The following ZDHHC3 variants were observed in gnomAD, a reference collection of about 807,000 sequenced individuals.
The protein encoded by ZDHHC3 is zDHHC palmitoyltransferase 3, also known as palmitoyltransferase ZDHHC3.
In ZDHHC3, 9 loss-of-function variants were observed where a neutral mutation model predicts 30.6. That is an observed-to-expected ratio of 0.29 (90% CI 0.18 to 0.51). The LOEUF is 0.51. Ranked by LOEUF, ZDHHC3 falls within the 20% of genes least tolerant of loss-of-function variation. ZDHHC3 has a pLI of 0.97. For missense variants in ZDHHC3, 246 were observed against 384.2 expected (o/e 0.64, Z 3.01); for synonymous variants, 136 against 140.2 (o/e 0.97, Z 0.21).
intron 2 of ZDHHC3, among the ~76,000 whole-genome samples, chr3:44,954,151 T>C (rs1703716471): frequency 6.6e-6 from 1 of 151,796 alleles, no homozygotes; most frequent in Admixed American, 6.6e-5. Flanking sequence ...TGGTCTGAGA[T>C]AGTCATGGAG....
At chr3:44,971,476 A>G (rs1380208725) in intron 1 of ZDHHC3, among the ~76,000 whole-genome samples, 2 of 152,244 alleles carry the variant, frequency 1.3e-5, no homozygotes, top group Non-Finnish European at 2.9e-5. Flanking sequence ...ATGATTTTTT[A>G]AAATGCAAAA....
chr3:44,943,234 G>C (rs1449425275), intron 3 of ZDHHC3, among the ~76,000 whole-genome samples: 2 of 152,218 alleles, frequency 1.3e-5, no homozygotes, highest in African/African-American at 4.8e-5. Context: ...CCTGTGGAAA[G>C]AGCCCTGTCT....
At chr3:44,951,365 C>T (rs907921589) in intron 2 of ZDHHC3, among the ~76,000 whole-genome samples, 7 of 152,176 alleles carry the variant, frequency 4.6e-5, no homozygotes, top group Non-Finnish European at 8.8e-5. Context: ...TGTATGTGCA[C>T]CTGTGTGTAT....
At chr3:44,932,995 C>T (rs1262012487) in intron 5 of ZDHHC3, 123 bp downstream of exon 5, 2 of 1,614,140 alleles carry the variant, frequency 1.2e-6, no homozygotes, top group Non-Finnish European at 1.7e-6. Flanking sequence ...CATAGGCTTT[C>T]AGGAGATTTA....
Position 44,918,232 on chromosome 3 carries a change from G to A in ZDHHC3, c.*8457C>T, listed in dbSNP as rs1005614496. The A allele has an allele frequency of 6.6e-6, 7 of 1,058,714 alleles. No individual in the cohort carries two copies. The African/African-American group carries it at 1.9e-4, about 29-fold the overall frequency. The allele number at this position is 1,058,714 out of a possible 1,614,324, so 65.6% of individuals were successfully genotyped here. A position where few individuals can be genotyped will look rare whatever the true frequency, so the allele number is the denominator to read the frequency against. On this transcript the variant is annotated 3_prime_UTR_variant, in exon 7 of 7. Coordinates refer to ENST00000424952, the MANE Select transcript of ZDHHC3 (RefSeq NM_001135179.2). ...CACCCCCAGCTATAGCATAGCAGTG[G>A]CGGGGGGGGGGGCGGGGTGTCCACG...
At chr3:44,941,652 C>G (rs927695539) in intron 3 of ZDHHC3, among the ~76,000 whole-genome samples, 4 of 151,744 alleles carry the variant, frequency 2.6e-5, no homozygotes, top group Middle Eastern at 3.2e-3. Flanking sequence ...TGCAGAAGAA[C>G]CTAGCAGGAG....
In ZDHHC3 at chr3:44,924,309, A is replaced by G; in HGVS notation, c.*2380T>C. 1.0e-6 allele frequency: 1 copy of G among 985,470 alleles called. No homozygotes were observed. Among genetic ancestry groups the G allele is most frequent in the Non-Finnish European group, 1.2e-6 (1 of 829,938 alleles). 61.0% of individuals were successfully genotyped at this position (985,470 alleles called of 1,614,324 possible). On this transcript the variant is annotated 3_prime_UTR_variant, in exon 7 of 7. Transcript: ENST00000424952. ...TCACTACCCTGCAAATGATGGCTAC[A>G]TTCCTCAGTCATTGTGCTCTTGGCA...
At chr3:44,939,013 T>C (rs1048510030) in intron 3 of ZDHHC3, among the ~76,000 whole-genome samples, 5 of 152,218 alleles carry the variant, frequency 3.3e-5, no homozygotes, top group African/African-American at 1.2e-4. Flanking sequence ...ATGAGACAGA[T>C]ATTGTGCCTG....
Position 44,917,259 on chromosome 3 carries a change from A to G in ZDHHC3, c.*9430T>C. Reference sequence around the variant, plus strand: ...CCTGCACATGTGTGTGTAGAGCTTAATGCAGGGTCCTCTTTGAACCATGCC... The same window carrying G: ...CCTGCACATGTGTGTGTAGAGCTTAGTGCAGGGTCCTCTTTGAACCATGCC... On this transcript the variant is annotated 3_prime_UTR_variant, in exon 7 of 7. Coordinates refer to ENST00000424952, the MANE Select transcript of ZDHHC3 (RefSeq NM_001135179.2). 1.3e-5 allele frequency: 2 copies of G among 153,576 alleles called. No individual in the cohort carries two copies. Among genetic ancestry groups the G allele is most frequent in the South Asian group, 4.1e-4 (2 of 4,920 alleles). 9.5% of individuals were successfully genotyped at this position (153,576 alleles called of 1,614,324 possible).
chr3:44,962,544 G>GAAGC (rs1553693387), intron 1 of ZDHHC3, among the ~76,000 whole-genome samples: 1 of 147,554 alleles, frequency 6.8e-6, no homozygotes, highest in Non-Finnish European at 1.5e-5. Flanking sequence ...AGGAAGGAAG[G>GAAGC]GGAGGGGAGG....
chr3:44,938,421 G>A (rs917060984), intron 3 of ZDHHC3: 6 of 219,812 alleles, frequency 2.7e-5, no homozygotes, highest in African/African-American at 1.2e-4. Context: ...GTTGGTGGCC[G>A]CCACCCTCAT....
chr3:44,925,866 G>A lies in ZDHHC3; in HGVS notation c.*823C>T. 1.0e-6 allele frequency: 1 copy of A among 985,884 alleles called. No individual in the cohort carries two copies. The highest frequency in any genetic ancestry group is 1.2e-6 in the Non-Finnish European group (1 of 829,952). The allele number at this position is 985,884 out of a possible 1,614,324, so 61.1% of individuals were successfully genotyped here. ...CTGGGGAAGAGAGGGAGATGGGGTG[G>A]TGAGAGAGGAAGCAGATGAAACAAA... On this transcript the variant is annotated 3_prime_UTR_variant, in exon 7 of 7. Coordinates refer to ENST00000424952, the MANE Select transcript of ZDHHC3 (RefSeq NM_001135179.2).
chr3:44,955,467 A>ATG lies in ZDHHC3; in HGVS notation c.306+3663_306+3664insCA, dbSNP rs1703864973. On this transcript the variant is annotated intron_variant, in intron 2 of 6. Coordinates refer to ENST00000424952, the MANE Select transcript of ZDHHC3 (RefSeq NM_001135179.2). ...GAGACCACAAGGTTTTTATATATAT[A>ATG]TATATATATGTATATATATATATTT... Among the ~76,000 whole-genome samples the ATG allele has an allele frequency of 9.5e-5, 14 of 147,386 alleles. No homozygotes were observed. In the Admixed American group the frequency reaches 9.5e-4, roughly 10 times the overall value.
intron 2 of ZDHHC3, among the ~76,000 whole-genome samples, chr3:44,948,682 C>T (rs975576065): frequency 6.6e-6 from 1 of 152,184 alleles, no homozygotes; most frequent in Admixed American, 6.5e-5. Flanking sequence ...CCAGGAGGAT[C>T]CTGGTGGATA....
intron 2 of ZDHHC3, among the ~76,000 whole-genome samples, chr3:44,957,492 A>C (rs903949028): frequency 6.6e-6 from 1 of 152,168 alleles, no homozygotes; most frequent in African/African-American, 2.4e-5. Flanking sequence ...AGGGGCCCTA[A>C]ACTGCCCCTC....
chr3:44,917,883 C>G lies in ZDHHC3; in HGVS notation c.*8806G>C. 1 of 1,299,486 alleles carries G rather than the reference C, an allele frequency of 7.7e-7. No individual in the cohort carries two copies. 80.5% of individuals were successfully genotyped at this position (1,299,486 alleles called of 1,614,324 possible). On this transcript the variant is annotated 3_prime_UTR_variant, in exon 7 of 7. Coordinates refer to ENST00000424952, the MANE Select transcript of ZDHHC3 (RefSeq NM_001135179.2). Reference sequence around the variant, plus strand: ...CACTTTTTAGTGTTTGCTTCTCTCCCCACAGCAGCATCTATTCATCTGTCA... The same window carrying G: ...CACTTTTTAGTGTTTGCTTCTCTCCGCACAGCAGCATCTATTCATCTGTCA...
chr3:44,947,446 C>T (rs1703048055), intron 2 of ZDHHC3, among the ~76,000 whole-genome samples: 2 of 152,192 alleles, frequency 1.3e-5, no homozygotes, highest in South Asian at 4.1e-4. Context: ...GTGGGCCTAT[C>T]TATGCCTTAG....
At position 44,917,747 on chromosome 3, in the gene ZDHHC3, G is replaced by T. The variant is rs1700282256; in HGVS notation, c.*8942C>A. The T allele has an allele frequency of 6.2e-6, 6 of 970,514 alleles. No individual in the cohort carries two copies. In the South Asian group the frequency reaches 9.7e-5, roughly 16 times the overall value. 60.1% of individuals were successfully genotyped at this position (970,514 alleles called of 1,614,324 possible). ...ACCTGGCCCAACATGGAGAGAAGAA[G>T]GAGGGGAAATGGCAAGGCCAAGCGA... On this transcript the variant is annotated 3_prime_UTR_variant, in exon 7 of 7. Transcript: ENST00000424952.
chr3:44,933,843 C>T (rs1398307746), intron 4 of ZDHHC3, 45 bp downstream of exon 4: 1 of 1,539,982 alleles, frequency 6.5e-7, no homozygotes, highest in Non-Finnish European at 9.0e-7. Context: ...ACAAAGTGCT[C>T]CATTGCTTCA....
Sources: allele counts gnomAD v4.1 joint callset (sites outside exome capture counted in the v4.1 genomes callset), GRCh38; gene constraint gnomAD v4.1.1; transcripts MANE v1.5; gene names NCBI Gene and HGNC (gene_info 2026-07-23, HGNC 2026-07-21).